Variants in FAM107B observed in about 807,000 individuals in gnomAD.
FAM107B encodes the protein family with sequence similarity 107 member B.
A neutral mutation model predicts 31.5 loss-of-function variants in FAM107B; 21 were observed. That is an observed-to-expected ratio of 0.67 (90% CI 0.47 to 0.96). The LOEUF is 0.96. Among genes scored for constraint, FAM107B ranks in the 40% least tolerant of loss-of-function variants. The pLI is 0.00. For synonymous variants in FAM107B, 157 were observed against 141.5 expected, an observed-to-expected ratio of 1.11 and a Z score of -0.78; for missense variants, 452 against 377.1, an observed-to-expected ratio of 1.20 and a Z score of -1.64.
intron 2 of FAM107B, among the ~76,000 whole-genome samples, chr10:14,624,086 C>G (rs868096525): frequency 6.6e-6 from 1 of 152,110 alleles, no homozygotes; most frequent in African/African-American, 2.4e-5. Context: ...GGGCTCCTAG[C>G]AAACATAAAA....
intron 1 of FAM107B, among the ~76,000 whole-genome samples, chr10:14,712,836 G>T (rs2131540608): frequency 6.6e-6 from 1 of 152,228 alleles, no homozygotes; most frequent in South Asian, 2.1e-4. Context: ...CCTTGTTTTA[G>T]AACACGAGTC....
Position 14,725,821 on chromosome 10 carries a change from C to CTTTTTT in FAM107B, c.411+48426_411+48431dup, listed in dbSNP as rs759788163. Among the ~76,000 whole-genome samples, 81 of 94,292 alleles carry CTTTTTT rather than the reference C, an allele frequency of 8.6e-4. 2 individuals are homozygous for CTTTTTT. Among genetic ancestry groups the CTTTTTT allele is most frequent in the Non-Finnish European group, 1.1e-3 (57 of 51,818 alleles). 61.9% of individuals were successfully genotyped at this position (94,292 alleles called of 152,430 possible). On this transcript the variant is annotated intron_variant, in intron 1 of 4. Coordinates refer to ENST00000181796, the MANE Select transcript of FAM107B (RefSeq NM_031453.4). ...TCTAGGGAGCAAAAGCAGTCAAATC[C>CTTTTTT]TTTTTTTTTTTTTTTTTTTTTGGAA... is the stretch of plus-strand genomic sequence containing the variant.
intron 2 of FAM107B, among the ~76,000 whole-genome samples, chr10:14,560,037 C>G (rs1396628366): frequency 1.3e-5 from 2 of 152,186 alleles, no homozygotes; most frequent in African/African-American, 4.8e-5. Flanking sequence ...AATCTCATTG[C>G]AACCTGCGTG....
intron 2 of FAM107B, among the ~76,000 whole-genome samples, chr10:14,655,699 G>T (rs1013812098): frequency 1.3e-5 from 2 of 152,260 alleles, no homozygotes; most frequent in Non-Finnish European, 2.9e-5. Context: ...AACAGGAGGA[G>T]AGGTGGGAAG....
intron 1 of FAM107B, among the ~76,000 whole-genome samples, chr10:14,671,219 C>A (rs756866260): frequency 6.6e-6 from 1 of 152,164 alleles, no homozygotes; most frequent in Non-Finnish European, 1.5e-5. Context: ...ATTGGTAGAG[C>A]GGCTATGTTG....
Position 14,774,674 on chromosome 10 carries a change from G to A in FAM107B, c.-11C>T. ...TTTCCACGTGGACATGACTTGCAGT[G>A]AATCATTGCAAAGTTCAAACGGGGC... On this transcript the variant is annotated 5_prime_UTR_variant, in exon 1 of 5. Coordinates refer to ENST00000181796, the MANE Select transcript of FAM107B (RefSeq NM_031453.4). The A allele has an allele frequency of 6.2e-7, 1 of 1,607,116 alleles. No homozygotes were observed.
At chr10:14,754,430 C>G (rs924170967) in intron 1 of FAM107B, among the ~76,000 whole-genome samples, 2 of 152,134 alleles carry the variant, frequency 1.3e-5, no homozygotes, top group African/African-American at 4.8e-5. Flanking sequence ...GTGGTCTTAT[C>G]CCTTAAACAC....
intron 1 of FAM107B, among the ~76,000 whole-genome samples, chr10:14,687,143 T>C (rs911998490): frequency 1.3e-5 from 2 of 152,216 alleles, no homozygotes; most frequent in African/African-American, 4.8e-5. Flanking sequence ...TTCCTACTAA[T>C]CCTTGTTAAC....
chr10:14,632,059 A>T (rs932736211), intron 2 of FAM107B, among the ~76,000 whole-genome samples: 9 of 152,052 alleles, frequency 5.9e-5, no homozygotes, highest in African/African-American at 2.2e-4. Context: ...GCACTTTGGG[A>T]GGCCAGGCAG....
chr10:14,521,163 C>A lies in FAM107B; in HGVS notation c.*27G>T. 6.3e-7 allele frequency: 1 copy of A among 1,575,294 alleles called. No homozygotes were observed. Among genetic ancestry groups the A allele is most frequent in the Non-Finnish European group, 8.7e-7 (1 of 1,145,610 alleles). The stretch of plus-strand genomic sequence containing the variant: ...ACCCACAGACAGCTCTGTGGGGTGA[C>A]ACACGAGGTCTTGGTGCAGCCTCAG... On this transcript the variant is annotated 3_prime_UTR_variant, in exon 5 of 5. Coordinates refer to ENST00000181796, the MANE Select transcript of FAM107B (RefSeq NM_031453.4).
chr10:14,765,188 A>T (rs886070765), intron 1 of FAM107B, among the ~76,000 whole-genome samples: 2 of 152,204 alleles, frequency 1.3e-5, no homozygotes, highest in African/African-American at 4.8e-5. Flanking sequence ...TGGTAACCTC[A>T]CTTGAAAATA....
intron 2 of FAM107B, 79 bp from the exon 3 acceptor site, chr10:14,530,594 G>A: frequency 7.3e-7 from 1 of 1,363,868 alleles, no homozygotes; most frequent in South Asian, 1.3e-5. Flanking sequence ...CCACAGAGCT[G>A]TGCTCAGTAT....
At position 14,663,357 on chromosome 10, in the gene FAM107B, G is replaced by T. The variant is rs143294272; in HGVS notation, c.469+4277C>A. 2.0e-5 allele frequency: 3 copies of T among 152,360 alleles called. No individual in the cohort carries two copies. In the East Asian group the frequency reaches 5.8e-4, roughly 29 times the overall value. The allele number at this position is 152,360 out of a possible 1,614,324, so 9.4% of individuals were successfully genotyped here. ...ACTCGACTAATACACTCACTGAGGA[G>T]GCTTGGAACATAGAAAGTGCAGGTG... On this transcript the variant is annotated intron_variant, in intron 2 of 4. Transcript: ENST00000181796.
At chr10:14,736,728 T>C (rs1856308631) in intron 1 of FAM107B, among the ~76,000 whole-genome samples, 1 of 152,206 alleles carries the variant, frequency 6.6e-6, no homozygotes, top group African/African-American at 2.4e-5. Flanking sequence ...CAGGGGTAAA[T>C]ATTCCTGGGA....
chr10:14,534,393 C>T (rs1158319053), intron 2 of FAM107B, among the ~76,000 whole-genome samples: 4 of 152,146 alleles, frequency 2.6e-5, no homozygotes, highest in Non-Finnish European at 5.9e-5. Flanking sequence ...GTGACTAACA[C>T]ATGGCAATAA....
At chr10:14,768,495 T>C (rs905993513) in intron 1 of FAM107B, among the ~76,000 whole-genome samples, 2 of 152,142 alleles carry the variant, frequency 1.3e-5, no homozygotes, top group Admixed American at 1.3e-4. Flanking sequence ...CTCACATATA[T>C]GGTCAAATGA....
chr10:14,689,932 C>G (rs1855087060), intron 1 of FAM107B, among the ~76,000 whole-genome samples: 1 of 151,244 alleles, frequency 6.6e-6, no homozygotes. Flanking sequence ...CCACAGCACT[C>G]CAGCCTCGGT....
At chr10:14,620,229 G>A (rs1852972798) in intron 2 of FAM107B, among the ~76,000 whole-genome samples, 1 of 152,060 alleles carries the variant, frequency 6.6e-6, no homozygotes, top group African/African-American at 2.4e-5. Flanking sequence ...ATGTTGGCCA[G>A]GATGGTCTCG....
chr10:14,735,381 G>T (rs1295478045), intron 1 of FAM107B, among the ~76,000 whole-genome samples: 2 of 152,068 alleles, frequency 1.3e-5, no homozygotes, highest in African/African-American at 4.8e-5. Flanking sequence ...GCCCCAGGAA[G>T]CCAAAAGATT....
Sources: allele counts gnomAD v4.1 joint callset (sites outside exome capture counted in the v4.1 genomes callset), GRCh38; gene constraint gnomAD v4.1.1; transcripts MANE v1.5; gene names NCBI Gene and HGNC (gene_info 2026-07-23, HGNC 2026-07-21).